WFDC9: variants seen among roughly 807,000 people sequenced by gnomAD.
WFDC9 encodes the protein WAP four-disulfide core domain 9.
A neutral mutation model predicts 9.5 loss-of-function variants in WFDC9; 9 were observed. The observed-to-expected ratio is 0.95, with a 90% CI of 0.57 to 1.65. WFDC9 has a LOEUF of 1.65. WFDC9 is among the 40% of genes most tolerant of loss of function. WFDC9 has a pLI of 0.00. For missense variants in WFDC9, 87 were observed against 106.7 expected (o/e 0.82, Z 0.81); for synonymous variants, 33 against 32.3 (o/e 1.02, Z -0.07).
chr20:45,610,351 A>T, intron 2 of WFDC9, 112 bp from the exon 3 acceptor site: 2 of 498,424 alleles, frequency 4.0e-6, no homozygotes, highest in Non-Finnish European at 7.0e-6. Flanking sequence ...ATACCAACCA[A>T]CTCCCAGGCT....
rs370373417 is a variant in WFDC9 at position 45,610,157 on chromosome 20, C to T, written c.25G>A (p.Val9Ile). 2.0e-5 allele frequency: 33 copies of T among 1,613,944 alleles called. No individual in the cohort carries two copies. Among genetic ancestry groups the T allele is most frequent in the Admixed American group, 3.3e-5 (2 of 59,992 alleles). MKPWILLL[V>I]MFISGVVMLL... is the part of the protein sequence containing the mutation. Reference sequence around the variant, plus strand: ...ATCACAACTCCAGAGATGAACATGACGAGTAGAAGAATCCAGGGCTTCATG... The same window carrying T: ...ATCACAACTCCAGAGATGAACATGATGAGTAGAAGAATCCAGGGCTTCATG... The change falls in exon 3 of 5, where the codon GTC becomes ATC. Residue 9 changes from valine (V) to isoleucine (I), a missense_variant. Coordinates refer to ENST00000326000, the MANE Select transcript of WFDC9 (RefSeq NM_147198.4).
At chr20:45,609,954 TA>T in intron 3 of WFDC9, 136 bp downstream of exon 3, 1 of 636,674 alleles carries the variant, frequency 1.6e-6, no homozygotes, top group Non-Finnish European at 2.7e-6. Flanking sequence ...TGGGAATATC[TA>T]ACCTAATCTT....
chr20:45,608,578 G>T, intron 4 of WFDC9, 85 bp downstream of exon 4: 1 of 1,480,152 alleles, frequency 6.8e-7, no homozygotes, highest in Non-Finnish European at 9.1e-7. Context: ...ACCAGGATTT[G>T]GGTGGCTGCG....
intron 1 of WFDC9, among the ~76,000 whole-genome samples, chr20:45,619,801 G>A (rs1410971817): frequency 6.6e-6 from 1 of 152,164 alleles, no homozygotes; most frequent in African/African-American, 2.4e-5. Context: ...GAAGCGGGTG[G>A]ATTACCAGAG....
intron 1 of WFDC9, among the ~76,000 whole-genome samples, chr20:45,618,381 C>T (rs1030480088): frequency 6.6e-6 from 1 of 152,182 alleles, no homozygotes; most frequent in African/African-American, 2.4e-5. Context: ...TTTTAATTTC[C>T]ATCAATAACT....
In WFDC9 at chr20:45,608,804, T is replaced by C. The variant is rs1981789138; in HGVS notation, c.98A>G (p.Asp33Gly). ...GCACTGCTCAGTTTCTCTTATCATA[T>C]CTAGAACTGAGATGGAAGAAGTTAG... ...GSFWNKDPFL[D>G]MIRETEQCWV... is the part of the protein sequence containing the mutation. The change falls in exon 4 of 5, where the codon GAT becomes GGT. Residue 33 changes from aspartate (D) to glycine (G), a missense_variant. Physicochemically the swap from Asp to Gly is moderately conservative, Grantham distance 94. Coordinates refer to ENST00000326000, the MANE Select transcript of WFDC9 (RefSeq NM_147198.4). 1.2e-6 allele frequency: 2 copies of C among 1,610,180 alleles called. No individual in the cohort carries two copies. Among genetic ancestry groups the C allele is most frequent in the South Asian group, 1.1e-5 (1 of 90,262 alleles).
At chr20:45,617,260 GCCTGGCCAAT>G (rs1471827292) in intron 1 of WFDC9, among the ~76,000 whole-genome samples, 5 of 152,186 alleles carry the variant, frequency 3.3e-5, no homozygotes, top group African/African-American at 1.2e-4. Flanking sequence ...TTCGAGACCA[GCCTGGCCAAT>G]ATGGTGAAAC....
At chr20:45,623,403 G>T (rs948071387) in intron 1 of WFDC9, among the ~76,000 whole-genome samples, 1 of 152,102 alleles carries the variant, frequency 6.6e-6, no homozygotes, top group African/African-American at 2.4e-5. Context: ...ACTTTGGGAG[G>T]CCGAGGCAGG....
intron 2 of WFDC9, among the ~76,000 whole-genome samples, chr20:45,614,255 G>A (rs182734940): frequency 5.3e-5 from 8 of 152,166 alleles, no homozygotes; most frequent in African/African-American, 1.4e-4. Flanking sequence ...CCCAGGCTGG[G>A]TACTTCTCAA....
chr20:45,611,917 G>A (rs1281312468), intron 2 of WFDC9, among the ~76,000 whole-genome samples: 3 of 152,048 alleles, frequency 2.0e-5, no homozygotes, highest in Non-Finnish European at 4.4e-5. Flanking sequence ...ATTTTAAGAG[G>A]AAAGAACATG....
intron 1 of WFDC9, among the ~76,000 whole-genome samples, chr20:45,618,361 G>A (rs765921534): frequency 3.3e-5 from 5 of 152,202 alleles, no homozygotes; most frequent in Middle Eastern, 3.4e-3. Context: ...CTGTGTTCCC[G>A]GAGTAGAACT....
chr20:45,629,615 C>G (rs978580991), intron 1 of WFDC9: 4 of 498,542 alleles, frequency 8.0e-6, no homozygotes, highest in African/African-American at 7.7e-5. Context: ...TGCGGAAGCC[C>G]TATCCCACAT....
At chr20:45,628,279 G>A (rs1409524551) in intron 1 of WFDC9, among the ~76,000 whole-genome samples, 1 of 152,102 alleles carries the variant, frequency 6.6e-6, no homozygotes, top group Admixed American at 6.5e-5. Context: ...AAGGACCCAG[G>A]CTCCTTTCAC....
chr20:45,615,440 G>A (rs866892172), intron 1 of WFDC9, among the ~76,000 whole-genome samples: 64 of 152,236 alleles, frequency 4.2e-4, no homozygotes, highest in African/African-American at 1.4e-3. Context: ...AATATTATAC[G>A]CAGTGACAGG....
chr20:45,629,994 A>G (rs1225049485), intron 1 of WFDC9: 1 of 1,525,840 alleles, frequency 6.6e-7, no homozygotes, highest in Non-Finnish European at 8.9e-7. Flanking sequence ...TAGGAGTTGG[A>G]AACTCTCTGC....
chr20:45,629,902 A>T lies in WFDC9; in HGVS notation c.-153+1301T>A, dbSNP rs58353703. ...GGATACCGTGACAAGAAGAGGATGC[A>T]GAGTAGGTGATGGGCTGCTGGATGG... On this transcript the variant is annotated intron_variant, in intron 1 of 4. Transcript: ENST00000326000. The T allele has an allele frequency of 1.5e-3, 2,477 of 1,613,388 alleles. 37 individuals carry two copies. The African/African-American group carries it at 0.029, about 19-fold the overall frequency.
intron 3 of WFDC9, among the ~76,000 whole-genome samples, chr20:45,609,651 A>C (rs1027732508): frequency 1.3e-5 from 2 of 152,110 alleles, no homozygotes; most frequent in African/African-American, 4.8e-5. Flanking sequence ...TGACCCACTA[A>C]GGAGCCTTTA....
At chr20:45,623,347 G>A (rs1982142618) in intron 1 of WFDC9, among the ~76,000 whole-genome samples, 2 of 152,098 alleles carry the variant, frequency 1.3e-5, no homozygotes, top group African/African-American at 4.8e-5. Flanking sequence ...TGTAGGTTTT[G>A]GATGTTTTTA....
intron 1 of WFDC9, among the ~76,000 whole-genome samples, chr20:45,618,370 C>T (rs1357227979): frequency 6.6e-6 from 1 of 152,186 alleles, no homozygotes; most frequent in African/African-American, 2.4e-5. Flanking sequence ...CGGAGTAGAA[C>T]TTTTAATTTC....
Sources: gnomAD v4.1 joint callset for allele counts (sites outside exome capture counted in the v4.1 genomes callset) on GRCh38, gnomAD v4.1.1 for gene constraint, MANE v1.5 for transcripts, NCBI Gene and HGNC (gene_info 2026-07-23, HGNC 2026-07-21) for gene names.